The following C2CD3 variants were observed in gnomAD, a reference collection of about 807,000 sequenced individuals.
C2CD3 encodes C2 domain-containing protein 3.
C2CD3 carries 148 observed loss-of-function variants against 234.0 expected under a neutral mutation model. The observed-to-expected ratio is 0.63, with a 90% CI of 0.55 to 0.72. C2CD3 has a LOEUF of 0.72. Among genes scored for constraint, C2CD3 ranks in the 30% least tolerant of loss-of-function variants. The probability of loss-of-function intolerance (pLI) is 0.00; values close to 1 mark genes in which losing one functional copy is unlikely to be tolerated. For synonymous variants in C2CD3, 1,000 were observed against 1,035.4 expected (o/e 0.97, Z 0.66); for missense variants, 2,577 against 2,811.5 (o/e 0.92, Z 1.89).
intron 32 of C2CD3, among the ~76,000 whole-genome samples, chr11:74,022,747 T>C (rs1952140903): frequency 6.6e-6 from 1 of 152,250 alleles, no homozygotes; most frequent in Admixed American, 6.5e-5. Flanking sequence ...AAAGAGTTAC[T>C]TCATCACAAG....
chr11:74,106,059 G>A (rs554945978), intron 13 of C2CD3, among the ~76,000 whole-genome samples: 24 of 151,858 alleles, frequency 1.6e-4, no homozygotes, highest in Admixed American at 3.9e-4. Context: ...CCTGCTTTAG[G>A]GCTGTTGCAC....
At chr11:74,118,709 C>T (rs1957108805) in intron 8 of C2CD3, among the ~76,000 whole-genome samples, 1 of 152,080 alleles carries the variant, frequency 6.6e-6, no homozygotes, top group Non-Finnish European at 1.5e-5. Flanking sequence ...TTCTAATATT[C>T]ACCACATTCC....
At chr11:74,095,808 G>A (rs866927732) in intron 16 of C2CD3, among the ~76,000 whole-genome samples, 1 of 152,102 alleles carries the variant, frequency 6.6e-6, no homozygotes, top group African/African-American at 2.4e-5. Context: ...TCTACATTTA[G>A]AACAGCAAAG....
intron 2 of C2CD3, among the ~76,000 whole-genome samples, chr11:74,163,536 G>C (rs1856610931): frequency 6.6e-6 from 1 of 152,182 alleles, no homozygotes; most frequent in East Asian, 1.9e-4. Context: ...TCTCATGATA[G>C]TGAGTTAGCT....
Position 74,078,689 on chromosome 11 carries a change from T to C in C2CD3, c.4029A>G (p.Leu1343=). The change falls in exon 23 of 33, where the codon TTA becomes TTG. Residue 1343 remains leucine (L), a synonymous_variant. Coordinates refer to ENST00000334126, the MANE Select transcript of C2CD3 (RefSeq NM_001286577.2). ...SGITGWYPII[L]PEDGGLPHGL... ...CATGAGGTAGGCCCCCGTCTTCTGG[T>C]AAAATGATAGGATACCATCCTGTGA... is the stretch of plus-strand genomic sequence containing the variant. 2 of 1,610,426 alleles carry C rather than the reference T, an allele frequency of 1.2e-6. No homozygotes were observed. The highest frequency in any genetic ancestry group is 1.1e-5 in the South Asian group (1 of 90,598).
At chr11:74,036,633 T>G (rs1952758086) in intron 30 of C2CD3, 1 of 404,878 alleles carries the variant, frequency 2.5e-6, no homozygotes, top group South Asian at 1.8e-5. Flanking sequence ...CTGAAGATGC[T>G]GATCTAGTTG....
In C2CD3 at chr11:74,042,098, G is replaced by T. The variant is rs1953090045; in HGVS notation, c.5616C>A (p.Thr1872=). 1 of 1,613,880 alleles carries T rather than the reference G, an allele frequency of 6.2e-7. No individual in the cohort carries two copies. Among genetic ancestry groups the T allele is most frequent in the Non-Finnish European group, 8.5e-7 (1 of 1,179,986 alleles). ...AGGTTTGGGAGGACAAAGGTGATGT[G>T]GTCAGTTTGTCATCACATGGCAAGG... ...EAPLPCDDKL[T]TSPLSSQTSI... Residue 1872 remains threonine (T), a synonymous_variant, in exon 29 of 33, where the codon ACC becomes ACA. Coordinates refer to ENST00000334126, the MANE Select transcript of C2CD3 (RefSeq NM_001286577.2).
At chr11:74,168,177 A>G in intron 2 of C2CD3, 167 bp downstream of exon 2, 2 of 612,226 alleles carry the variant, frequency 3.3e-6, no homozygotes, top group Non-Finnish European at 5.7e-6. Context: ...GGCACACAGT[A>G]ACACTCAATA....
At chr11:74,061,588 C>A (rs546385594) in intron 24 of C2CD3, among the ~76,000 whole-genome samples, 2 of 152,268 alleles carry the variant, frequency 1.3e-5, no homozygotes, top group Non-Finnish European at 2.9e-5. Flanking sequence ...ATTTTTCTCA[C>A]CACCAGGCCT....
intron 5 of C2CD3, among the ~76,000 whole-genome samples, chr11:74,136,648 C>T (rs1957870286): frequency 6.6e-6 from 1 of 152,178 alleles, no homozygotes; most frequent in Non-Finnish European, 1.5e-5. Flanking sequence ...GTAGCTAGCA[C>T]ATAATCAGTG....
chr11:74,120,196 T>C (rs1041713950), intron 8 of C2CD3, among the ~76,000 whole-genome samples: 15 of 152,114 alleles, frequency 9.9e-5, no homozygotes, highest in African/African-American at 3.6e-4. Flanking sequence ...GTTACATATG[T>C]ATACATGTGC....
intron 24 of C2CD3, among the ~76,000 whole-genome samples, chr11:74,063,412 TCAAAAA>T (rs879904137): frequency 0.012 from 1,792 of 152,218 alleles, 14 homozygotes; most frequent in Middle Eastern, 0.051. Context: ...CAGCAGCACA[TCAAAAA>T]GCTTATCCAC....
At chr11:74,037,360 G>C (rs1325377365) in intron 30 of C2CD3, 118 bp downstream of exon 30, 12 of 797,884 alleles carry the variant, frequency 1.5e-5, no homozygotes, top group Admixed American at 1.3e-4. Context: ...AAGGAAGAGG[G>C]TGAAAACAAT....
intron 25 of C2CD3, among the ~76,000 whole-genome samples, chr11:74,055,102 G>A (rs1953894030): frequency 6.6e-6 from 1 of 152,190 alleles, no homozygotes; most frequent in Non-Finnish European, 1.5e-5. Flanking sequence ...ATGGCACCAC[G>A]TGTTTCATAT....
rs1170345600 is a variant in C2CD3 at position 74,138,942 on chromosome 11, C to G, written c.733G>C (p.Glu245Gln). The G allele has an allele frequency of 1.2e-6, 2 of 1,611,446 alleles. No homozygotes were observed. The change falls in exon 5 of 33, where the codon GAG becomes CAG. Residue 245 changes from glutamate to glutamine, a missense_variant. Physicochemically the swap from Glu to Gln is conservative, Grantham distance 29. Coordinates refer to ENST00000334126, the MANE Select transcript of C2CD3 (RefSeq NM_001286577.2). ...GAATCCTTTATTGTATCAGGGTTCT[C>G]TGCAAAGCATACATGGTCTTTTCCC... ...PRGKDHVCFA[E>Q]NPDTIKDSSF...
rs1352796137 is a variant in C2CD3 at position 74,042,210 on chromosome 11, G to T, written c.5504C>A (p.Thr1835Asn). The T allele has an allele frequency of 1.3e-6, 2 of 1,579,418 alleles. No individual in the cohort carries two copies. Among genetic ancestry groups the T allele is most frequent in the East Asian group, 2.3e-5 (1 of 44,312 alleles). The change falls in exon 29 of 33, where the codon ACC (threonine) becomes AAC (asparagine). Residue 1835 changes from threonine to asparagine, a missense_variant. Transcript: ENST00000334126. ...ATGGCGTGATGCTTGGCTTCTTGTG[G>T]TATCACTTCTGTCAAAAAAAAAAAA... ...LDFSSPGRSD[T>N]TRSQASRHEE...
chr11:74,081,436 C>T (rs1023543498), intron 22 of C2CD3, among the ~76,000 whole-genome samples: 22 of 152,148 alleles, frequency 1.4e-4, no homozygotes, highest in Non-Finnish European at 1.9e-4. Flanking sequence ...CTGCCACTCA[C>T]CAGGTATGTG....
intron 3 of C2CD3, among the ~76,000 whole-genome samples, chr11:74,151,134 C>T (rs1039105909): frequency 2.0e-5 from 3 of 152,130 alleles, no homozygotes; most frequent in Non-Finnish European, 4.4e-5. Context: ...CTATATTGGG[C>T]AGGCTGATCT....
intron 11 of C2CD3, among the ~76,000 whole-genome samples, chr11:74,111,221 T>C (rs1956729778): frequency 1.3e-5 from 2 of 152,170 alleles, no homozygotes; most frequent in Non-Finnish European, 2.9e-5. Context: ...CGTCCTGATA[T>C]GCAAAAATTC....
Sources: gnomAD v4.1 joint callset for allele counts (sites outside exome capture counted in the v4.1 genomes callset) on GRCh38, gnomAD v4.1.1 for gene constraint, MANE v1.5 for transcripts, NCBI Gene and HGNC (gene_info 2026-07-23, HGNC 2026-07-21) for gene names.